Variants in CTNNA1 observed in about 807,000 individuals in gnomAD.
CTNNA1 encodes catenin alpha-1.
A neutral mutation model predicts 98.4 loss-of-function variants in CTNNA1; 37 were observed. The observed-to-expected ratio is 0.38, with a 90% CI of 0.29 to 0.49. The LOEUF (loss-of-function observed/expected upper bound fraction) is 0.49. CTNNA1 is among the 20% of genes least tolerant of loss of function. The pLI is 0.95. For synonymous variants in CTNNA1, 404 were observed against 413.2 expected (o/e 0.98, Z 0.27); for missense variants, 761 against 1,147.2 (o/e 0.66, Z 4.86).
chr5:138,835,385 G>T (rs921675046), intron 7 of CTNNA1, among the ~76,000 whole-genome samples: 3 of 152,174 alleles, frequency 2.0e-5, no homozygotes, highest in Non-Finnish European at 4.4e-5. Context: ...TACAGTTATG[G>T]TATGATTTCC....
At chr5:138,894,908 A>G (rs1007709283) in intron 9 of CTNNA1, among the ~76,000 whole-genome samples, 5 of 152,098 alleles carry the variant, frequency 3.3e-5, no homozygotes, top group Admixed American at 1.3e-4. Context: ...CTCTACCCAC[A>G]TGTCACTTCT....
intron 13 of CTNNA1, among the ~76,000 whole-genome samples, chr5:138,927,710 T>G (rs964229160): frequency 4.0e-5 from 6 of 150,942 alleles, no homozygotes; most frequent in African/African-American, 1.2e-4. Context: ...GGCAGAGAGA[T>G]AATGAATGAA....
intron 1 of CTNNA1, among the ~76,000 whole-genome samples, chr5:138,765,577 G>A (rs1329432355): frequency 6.6e-6 from 1 of 152,164 alleles, no homozygotes; most frequent in South Asian, 2.1e-4. Flanking sequence ...GTGCTGGAGG[G>A]ATGTTAATGT....
chr5:138,808,910 A>G (rs1758386425), intron 3 of CTNNA1, among the ~76,000 whole-genome samples: 1 of 152,162 alleles, frequency 6.6e-6, no homozygotes, highest in African/African-American at 2.4e-5. Context: ...GGCAATGGGC[A>G]CTGTAAATAA....
chr5:138,904,408 G>T lies in CTNNA1; in HGVS notation c.1356G>T (p.Met452Ile), dbSNP rs776209866. The change falls in exon 10 of 18, where the codon ATG becomes ATT. Residue 452 changes from methionine to isoleucine, a missense_variant. Physicochemically the swap from Met to Ile is conservative, Grantham distance 10. Around this residue, in one of 6 missense-constraint regions of CTNNA1, gnomAD observed 287 missense variants for 436.0 expected, o/e 0.66. Transcript: ENST00000302763. ...NNEEGVKLVR[M>I]SASQLEALCP... is the part of the protein sequence containing the mutation. ...AAGAAGGTGTAAAGCTTGTTCGAAT[G>T]TCTGCAAGCCAGTTAGAAGCCCTCT... is the stretch of plus-strand genomic sequence containing the variant. 1 of 1,613,984 alleles carries T rather than the reference G, an allele frequency of 6.2e-7. No individual in the cohort carries two copies. The highest frequency in any genetic ancestry group is 1.3e-5 in the African/African-American group (1 of 74,934).
intron 6 of CTNNA1, among the ~76,000 whole-genome samples, chr5:138,826,710 G>A (rs1038183764): frequency 6.6e-6 from 1 of 152,228 alleles, no homozygotes; most frequent in African/African-American, 2.4e-5. Context: ...GATTAGATGT[G>A]TAAGATGAGG....
chr5:138,930,789 G>C (rs750295113), intron 15 of CTNNA1, 41 bp from the exon 16 acceptor site: 3 of 1,525,180 alleles, frequency 2.0e-6, no homozygotes, highest in Admixed American at 1.7e-5. Context: ...ACTGTGAGGG[G>C]CTTCACATAC....
chr5:138,905,206 C>T (rs1758974128), intron 10 of CTNNA1, among the ~76,000 whole-genome samples: 1 of 152,044 alleles, frequency 6.6e-6, no homozygotes, highest in South Asian at 2.1e-4. Context: ...GGGAGGCTGG[C>T]TTGAGCCTGG....
chr5:138,794,995 C>A (rs146426797), intron 3 of CTNNA1, among the ~76,000 whole-genome samples: 1 of 148,782 alleles, frequency 6.7e-6, no homozygotes. Context: ...ACTGAAAATA[C>A]AAAAATTAGC....
intron 3 of CTNNA1, among the ~76,000 whole-genome samples, chr5:138,802,950 G>A (rs577919029): frequency 9.4e-5 from 13 of 138,042 alleles, no homozygotes; most frequent in Non-Finnish European, 2.0e-4. Flanking sequence ...GGCATGCACC[G>A]CCACACTTAG....
At position 138,874,238 on chromosome 5, in the gene CTNNA1, A is replaced by G; in HGVS notation, c.1063-11974A>G. On this transcript the variant is annotated intron_variant, in intron 7 of 17. Coordinates refer to ENST00000302763, the MANE Select transcript of CTNNA1 (RefSeq NM_001903.5). The surrounding 1 kb of genome is among the most constrained non-coding windows in gnomAD (Gnocchi z 4.1). ...TAAGATTAATTCCTTAAGTTTATAT[A>G]GTCCTTGAAAAGCATCTTCTTTTAC... 1 of 1,614,046 alleles carries G rather than the reference A, an allele frequency of 6.2e-7. No homozygotes were observed. Among genetic ancestry groups the G allele is most frequent in the African/African-American group, 1.3e-5 (1 of 75,060 alleles).
intron 9 of CTNNA1, among the ~76,000 whole-genome samples, chr5:138,894,917 C>A (rs1017377871): frequency 1.3e-5 from 2 of 152,182 alleles, no homozygotes. Flanking sequence ...CATGTCACTT[C>A]TGTAGAGAAA....
chr5:138,859,885 G>C (rs1210972774), intron 7 of CTNNA1, among the ~76,000 whole-genome samples: 1 of 152,180 alleles, frequency 6.6e-6, no homozygotes, highest in Non-Finnish European at 1.5e-5. Context: ...TCCAGTCTGG[G>C]CAACAGAGCA....
chr5:138,902,170 A>G (rs753069670), intron 9 of CTNNA1, among the ~76,000 whole-genome samples: 1 of 152,232 alleles, frequency 6.6e-6, no homozygotes, highest in African/African-American at 2.4e-5. Context: ...TTTAACAGCC[A>G]TTTCAGCCTT....
At chr5:138,781,015 C>T (rs869312578) in intron 1 of CTNNA1, among the ~76,000 whole-genome samples, 1 of 152,170 alleles carries the variant, frequency 6.6e-6, no homozygotes, top group East Asian at 1.9e-4. Context: ...TCTCTTGACA[C>T]TGATACAGTG....
At chr5:138,908,020 C>T (rs929764195) in intron 10 of CTNNA1, among the ~76,000 whole-genome samples, 2 of 151,910 alleles carry the variant, frequency 1.3e-5, no homozygotes, top group Admixed American at 1.3e-4. Context: ...CTCTGTCACC[C>T]AGGCTGGAGT....
At chr5:138,783,414 T>C (rs1312416481) in intron 3 of CTNNA1, 42 bp downstream of exon 3, 6 of 1,533,920 alleles carry the variant, frequency 3.9e-6, no homozygotes, top group Non-Finnish European at 5.3e-6. Context: ...GGCAGGCCTT[T>C]CTAGAAAATC....
intron 5 of CTNNA1, among the ~76,000 whole-genome samples, chr5:138,816,776 C>T (rs974141322): frequency 2.6e-5 from 4 of 151,988 alleles, no homozygotes; most frequent in Admixed American, 6.6e-5. Context: ...TCTCGACTCA[C>T]TGCAACCTCC....
chr5:138,892,722 A>T (rs1755736300), intron 9 of CTNNA1, among the ~76,000 whole-genome samples: 2 of 152,174 alleles, frequency 1.3e-5, no homozygotes, highest in East Asian at 1.9e-4. Context: ...TACTAAAAAA[A>T]TTTAAAAATT....
Sources: allele counts gnomAD v4.1 joint callset (sites outside exome capture counted in the v4.1 genomes callset), GRCh38; gene constraint gnomAD v4.1.1; regional missense constraint gnomAD v4.1.1; non-coding constraint Gnocchi (gnomAD v3.1); transcripts MANE v1.5; gene names NCBI Gene and HGNC (gene_info 2026-07-23, HGNC 2026-07-21).